Variants in SLC35F3 observed in about 807,000 individuals in gnomAD.
The protein encoded by SLC35F3 is putative thiamine transporter SLC35F3.
In SLC35F3, 25 loss-of-function variants were observed where a neutral mutation model predicts 49.9. The ratio of observed to expected loss-of-function variants is 0.50; its 90% CI spans 0.37 to 0.70. The LOEUF (loss-of-function observed/expected upper bound fraction) is 0.70, where lower values mean the gene tolerates loss of function less well. Ranked by LOEUF, SLC35F3 falls within the 30% of genes least tolerant of loss-of-function variation. SLC35F3 has a pLI of 0.00. For synonymous variants in SLC35F3, 275 were observed against 265.4 expected (o/e 1.04, Z -0.35); for missense variants, 525 against 639.8 (o/e 0.82, Z 1.94).
At chr1:234,087,425 A>G (rs538401405) in intron 2 of SLC35F3, among the ~76,000 whole-genome samples, 3 of 152,340 alleles carry the variant, frequency 2.0e-5, no homozygotes, top group South Asian at 4.1e-4. Context: ...TTGCTCCTTC[A>G]TACTTACAGA....
chr1:234,166,588 G>C (rs1666324318), intron 2 of SLC35F3, among the ~76,000 whole-genome samples: 1 of 152,214 alleles, frequency 6.6e-6, no homozygotes, highest in Non-Finnish European at 1.5e-5. Flanking sequence ...GCAGAGACAG[G>C]CTGAGGGTGT....
chr1:233,999,464 C>T (rs1663514744), intron 2 of SLC35F3, among the ~76,000 whole-genome samples: 1 of 152,164 alleles, frequency 6.6e-6, no homozygotes, highest in Non-Finnish European at 1.5e-5. Context: ...AAGCCAAAGC[C>T]TAGGTTCGAT....
intron 2 of SLC35F3, among the ~76,000 whole-genome samples, chr1:234,083,859 T>C (rs573911981): frequency 6.5e-4 from 97 of 148,798 alleles, no homozygotes; most frequent in Non-Finnish European, 7.9e-4. Flanking sequence ...TTTTTTGAGA[T>C]GGAGTTTCGC....
At chr1:234,225,633 C>T (rs1334984071) in intron 2 of SLC35F3, among the ~76,000 whole-genome samples, 1 of 152,174 alleles carries the variant, frequency 6.6e-6, no homozygotes, top group Non-Finnish European at 1.5e-5. Flanking sequence ...CCTTGTACCG[C>T]AAAGTAGGTG....
chr1:234,057,931 T>C lies in SLC35F3; in HGVS notation c.283+152173T>C, dbSNP rs529334075. On this transcript the variant is annotated intron_variant, in intron 2 of 7. Transcript: ENST00000366618. Reference sequence around the variant, plus strand: ...TATGTTGACCAGGCTGGTCTCGAACTCCTGACCTCAGGTGATCCACCCGCC... The same window carrying C: ...TATGTTGACCAGGCTGGTCTCGAACCCCTGACCTCAGGTGATCCACCCGCC... 2.2e-4 allele frequency among the ~76,000 whole-genome samples: 34 copies of C among 152,234 alleles called. No individual in the cohort carries two copies. In the South Asian group the frequency reaches 6.6e-3, roughly 30 times the overall value.
intron 3 of SLC35F3, among the ~76,000 whole-genome samples, chr1:234,262,222 A>G (rs949607875): frequency 6.6e-6 from 1 of 151,886 alleles, no homozygotes; most frequent in Non-Finnish European, 1.5e-5. Context: ...GCTAGTAATT[A>G]TCAGTGAGAA....
At chr1:234,291,514 G>C (rs1668507795) in intron 3 of SLC35F3, among the ~76,000 whole-genome samples, 1 of 152,202 alleles carries the variant, frequency 6.6e-6, no homozygotes, top group Admixed American at 6.5e-5. Flanking sequence ...CACCCAGGCT[G>C]AAGTGCAGTG....
chr1:234,304,789 A>C (rs1657095892), intron 3 of SLC35F3, among the ~76,000 whole-genome samples: 1 of 152,232 alleles, frequency 6.6e-6, no homozygotes, highest in South Asian at 2.1e-4. Flanking sequence ...GCTCTTGAAA[A>C]TTAAATGTAG....
chr1:234,237,307 G>A, intron 3 of SLC35F3, among the ~76,000 whole-genome samples: 1 of 152,142 alleles, frequency 6.6e-6, no homozygotes, highest in Non-Finnish European at 1.5e-5. Flanking sequence ...AACTTTGAGT[G>A]TGAATCCTGA....
At chr1:233,922,277 A>G (rs893234816) in intron 2 of SLC35F3, among the ~76,000 whole-genome samples, 1 of 152,006 alleles carries the variant, frequency 6.6e-6, no homozygotes, top group African/African-American at 2.4e-5. Context: ...AAGTGTTCCT[A>G]TTTCTCCACA....
chr1:234,190,308 T>G (rs1015474646), intron 2 of SLC35F3, among the ~76,000 whole-genome samples: 2 of 152,232 alleles, frequency 1.3e-5, no homozygotes, highest in African/African-American at 2.4e-5. Flanking sequence ...ACTAAGTGTC[T>G]GCTACCTTTA....
chr1:234,259,737 T>C (rs371771433), intron 3 of SLC35F3, among the ~76,000 whole-genome samples: 38 of 151,994 alleles, frequency 2.5e-4, no homozygotes, highest in East Asian at 1.4e-3. Context: ...CACACCATTG[T>C]TTAGGCAGGG....
chr1:234,323,425 C>T lies in SLC35F3; in HGVS notation c.*182C>T. On this transcript the variant is annotated 3_prime_UTR_variant, in exon 8 of 8. Coordinates refer to ENST00000366618, the MANE Select transcript of SLC35F3 (RefSeq NM_173508.4). This position sits in a 1 kb window ranked among gnomAD's most constrained non-coding sequence, Gnocchi z 4.5. ...CATCAGACCTTCCACTTAAGGGTAC[C>T]AATTCAATACAAAAGAGAAAAGAAG... 1 of 596,024 alleles carries T rather than the reference C, an allele frequency of 1.7e-6. No homozygotes were observed. Among genetic ancestry groups the T allele is most frequent in the East Asian group, 2.8e-5 (1 of 35,970 alleles). 36.9% of individuals were successfully genotyped at this position (596,024 alleles called of 1,614,324 possible). A position where few individuals can be genotyped will look rare whatever the true frequency, so the allele number is the denominator to read the frequency against.
At chr1:233,985,203 T>A (rs937872129) in intron 2 of SLC35F3, among the ~76,000 whole-genome samples, 2 of 152,244 alleles carry the variant, frequency 1.3e-5, no homozygotes, top group African/African-American at 4.8e-5. Flanking sequence ...CAGTGGCATA[T>A]GTCGTCATAT....
chr1:233,909,147 G>T (rs974925823), intron 2 of SLC35F3, among the ~76,000 whole-genome samples: 38 of 152,110 alleles, frequency 2.5e-4, no homozygotes, highest in Admixed American at 4.6e-4. Flanking sequence ...ATGAGCCACC[G>T]CACCCAGCCT....
intron 2 of SLC35F3, among the ~76,000 whole-genome samples, chr1:234,040,223 T>C (rs969374298): frequency 6.6e-6 from 1 of 152,284 alleles, no homozygotes. Context: ...CTCTCTCCGA[T>C]GTCCAGCCAT....
Position 234,323,520 on chromosome 1 carries a change from G to A in SLC35F3, c.*277G>A. 1 of 453,566 alleles carries A rather than the reference G, an allele frequency of 2.2e-6. No homozygotes were observed. The highest frequency in any genetic ancestry group is 4.0e-6 in the Non-Finnish European group (1 of 252,622). 28.1% of individuals were successfully genotyped at this position (453,566 alleles called of 1,614,324 possible). ...TTCCCTGCGTAGATCGTTTTGGATG[G>A]CTGACGTTCTTGACAAGCCAGCCAT... On this transcript the variant is annotated 3_prime_UTR_variant, in exon 8 of 8. Coordinates refer to ENST00000366618, the MANE Select transcript of SLC35F3 (RefSeq NM_173508.4). This position sits in a 1 kb window ranked among gnomAD's most constrained non-coding sequence, Gnocchi z 4.5.
chr1:234,028,660 A>G (rs565943183), intron 2 of SLC35F3, among the ~76,000 whole-genome samples: 2 of 152,362 alleles, frequency 1.3e-5, no homozygotes, highest in Admixed American at 6.5e-5. Flanking sequence ...GAAACACAAT[A>G]CTAATACAGA....
intron 3 of SLC35F3, among the ~76,000 whole-genome samples, chr1:234,265,012 G>A (rs543538893): frequency 1.6e-4 from 24 of 152,176 alleles, no homozygotes; most frequent in East Asian, 7.7e-4. Context: ...AGGGCCCCAC[G>A]CTCAGTCCTT....
Sources: allele counts gnomAD v4.1 joint callset (sites outside exome capture counted in the v4.1 genomes callset), GRCh38; gene constraint gnomAD v4.1.1; non-coding constraint Gnocchi (gnomAD v3.1); transcripts MANE v1.5; gene names NCBI Gene and HGNC (gene_info 2026-07-23, HGNC 2026-07-21).